SLC22A4: variants seen among roughly 807,000 people sequenced by gnomAD.
SLC22A4 encodes ET transporter.
A neutral mutation model predicts 56.6 loss-of-function variants in SLC22A4; 39 were observed. The observed-to-expected ratio is 0.69, with a 90% CI of 0.53 to 0.90. SLC22A4 has a LOEUF of 0.90. SLC22A4 is among the 40% of genes least tolerant of loss of function. The pLI, the probability that SLC22A4 is intolerant of heterozygous loss-of-function variation, is 0.00. For synonymous variants in SLC22A4, 241 were observed against 281.4 expected (o/e 0.86, Z 1.44); for missense variants, 594 against 696.5 (o/e 0.85, Z 1.66).
chr5:132,313,799 T>C, intron 3 of SLC22A4, 31 bp downstream of exon 3: 1 of 1,609,350 alleles, frequency 6.2e-7, no homozygotes, highest in Admixed American at 1.7e-5. Context: ...ATGGGGTGCT[T>C]CCCTCTAACC....
chr5:132,323,348 T>TAGGCCTC (rs1413559870), intron 4 of SLC22A4, among the ~76,000 whole-genome samples: 9 of 152,220 alleles, frequency 5.9e-5, no homozygotes, highest in Non-Finnish European at 1.2e-4. Context: ...GGCCTTTATC[T>TAGGCCTC]TACTGCAGCT....
At chr5:132,322,126 T>C (rs1173491656) in intron 3 of SLC22A4, 58 bp from the exon 4 acceptor site, 7 of 1,496,036 alleles carry the variant, frequency 4.7e-6, no homozygotes, top group African/African-American at 2.8e-5. Context: ...CATAATGATA[T>C]AAAAAGCAAA....
chr5:132,317,610 G>A (rs1171436745), intron 3 of SLC22A4, among the ~76,000 whole-genome samples: 1 of 152,212 alleles, frequency 6.6e-6, no homozygotes, highest in Non-Finnish European at 1.5e-5. Context: ...ATGAACATTG[G>A]AGAATAAGTA....
intron 1 of SLC22A4, 61 bp from the exon 2 acceptor site, chr5:132,312,100 G>C (rs1465334007): frequency 2.1e-6 from 2 of 968,552 alleles, no homozygotes; most frequent in Non-Finnish European, 3.4e-6. Flanking sequence ...CCTCAGAGCT[G>C]GGCTGGGGTT....
At chr5:132,315,930 A>T (rs1243193828) in intron 3 of SLC22A4, among the ~76,000 whole-genome samples, 1 of 152,170 alleles carries the variant, frequency 6.6e-6, no homozygotes, top group Admixed American at 6.5e-5. Context: ...GAATGGCTGG[A>T]CGCCCCAGTC....
intron 1 of SLC22A4, among the ~76,000 whole-genome samples, chr5:132,307,231 C>G (rs1750063613): frequency 6.6e-6 from 1 of 152,122 alleles, no homozygotes; most frequent in Admixed American, 6.5e-5. Flanking sequence ...AATCAAGTGA[C>G]AAAGATAGAA....
At chr5:132,303,919 C>T (rs1315178905) in intron 1 of SLC22A4, among the ~76,000 whole-genome samples, 5 of 152,218 alleles carry the variant, frequency 3.3e-5, no homozygotes, top group Non-Finnish European at 7.3e-5. Flanking sequence ...AGTTCTAAAG[C>T]TGTCCCCACA....
chr5:132,303,048 C>T (rs914713924), intron 1 of SLC22A4, among the ~76,000 whole-genome samples: 4 of 152,172 alleles, frequency 2.6e-5, no homozygotes, highest in Non-Finnish European at 5.9e-5. Context: ...AAAATATTGA[C>T]AAATCATATA....
rs536577411 is a variant in SLC22A4, at chr5:132,337,270, T to TAATTC, written c.1444+1270_1444+1271insAATTC. On this transcript the variant is annotated intron_variant, in intron 8 of 9. Coordinates refer to ENST00000200652, the MANE Select transcript of SLC22A4 (RefSeq NM_003059.3). ...AATCTCACCAACAATAAAGATTACC[T>TAATTC]TTTTTTTTTTTTTTTTTTTTTTCTG... Among the ~76,000 whole-genome samples the TAATTC allele has an allele frequency of 2.8e-3, 384 of 136,088 alleles. 83 individuals carry two copies. Among genetic ancestry groups the TAATTC allele is most frequent in the East Asian group, 5.8e-3 (27 of 4,678 alleles). The allele number at this position is 136,088 out of a possible 152,430, so 89.3% of individuals were successfully genotyped here.
intron 1 of SLC22A4, among the ~76,000 whole-genome samples, chr5:132,301,018 C>T (rs530556781): frequency 3.9e-5 from 6 of 152,330 alleles, no homozygotes; most frequent in Admixed American, 1.3e-4. Context: ...AGAGGCCCTG[C>T]GTGTGAGGAA....
At chr5:132,296,893 A>T (rs764262488) in intron 1 of SLC22A4, among the ~76,000 whole-genome samples, 2 of 152,196 alleles carry the variant, frequency 1.3e-5, no homozygotes, top group Non-Finnish European at 2.9e-5. Context: ...ATAGCTACTC[A>T]TGTTGTACGC....
At chr5:132,295,060 G>C in intron 1 of SLC22A4, 51 bp downstream of exon 1, 1 of 1,564,494 alleles carries the variant, frequency 6.4e-7, no homozygotes, top group South Asian at 1.2e-5. Flanking sequence ...CCCTCCCTCT[G>C]CGTCAGCCCC....
At chr5:132,342,325 G>GA (rs1475935803) in intron 9 of SLC22A4, among the ~76,000 whole-genome samples, 1 of 152,166 alleles carries the variant, frequency 6.6e-6, no homozygotes, top group Admixed American at 6.5e-5. Context: ...GTTTACAGAA[G>GA]AAGTCACTTC....
At chr5:132,319,321 A>G (rs944409807) in intron 3 of SLC22A4, among the ~76,000 whole-genome samples, 2 of 151,472 alleles carry the variant, frequency 1.3e-5, no homozygotes, top group Admixed American at 1.3e-4. Flanking sequence ...AAAAAAAAGA[A>G]AAAAAAGAAA....
In SLC22A4 at chr5:132,315,496, G is replaced by A. The variant is rs557330896; in HGVS notation, c.652+1728G>A. Among the ~76,000 whole-genome samples, 6 of 152,254 alleles carry A rather than the reference G, an allele frequency of 3.9e-5. No homozygotes were observed. The South Asian group carries it at 1.0e-3, about 26-fold the overall frequency. On this transcript the variant is annotated intron_variant, in intron 3 of 9. Transcript: ENST00000200652. Reference sequence around the variant, plus strand: ...GCCTCCAAGCCTCCCCTGTGTGAGCGGGTGAGGCAGGGAGAGCATACCCCA... The same window carrying A: ...GCCTCCAAGCCTCCCCTGTGTGAGCAGGTGAGGCAGGGAGAGCATACCCCA...
intron 1 of SLC22A4, among the ~76,000 whole-genome samples, chr5:132,296,259 C>T (rs1228520738): frequency 1.3e-5 from 2 of 152,156 alleles, no homozygotes; most frequent in South Asian, 2.1e-4. Context: ...TCTCATATAT[C>T]GGAGTGGCTG....
At position 132,322,230 on chromosome 5, in the gene SLC22A4, A is replaced by T. The variant is rs146705097; in HGVS notation, c.699A>T (p.Leu233Phe). The change falls in exon 4 of 10, where the codon TTA becomes TTT. Residue 233 changes from leucine to phenylalanine, a missense_variant. Transcript: ENST00000200652. ...GKSVRIIFST[L>F]GVCTFFAVGY... ...CAGTTCGTATTATATTCTCTACATT[A>T]GGAGTGTGCACATTTTTTGCAGTTG... 651 of 1,613,818 alleles carry T rather than the reference A, an allele frequency of 4.0e-4. No individual in the cohort carries two copies. The highest frequency in any genetic ancestry group is 5.3e-4 in the Non-Finnish European group (629 of 1,179,848).
intron 2 of SLC22A4, 29 bp from the exon 3 acceptor site, chr5:132,313,585 C>A: frequency 6.2e-7 from 1 of 1,612,426 alleles, no homozygotes; most frequent in Non-Finnish European, 8.5e-7. Flanking sequence ...CTACACATCT[C>A]ATGTTTTGTG....
intron 6 of SLC22A4, among the ~76,000 whole-genome samples, chr5:132,332,767 C>T (rs1027138578): frequency 9.4e-5 from 14 of 149,308 alleles, no homozygotes; most frequent in African/African-American, 3.0e-4. Flanking sequence ...CACACACACA[C>T]GATGATCGTC....
Sources: gnomAD v4.1 joint callset for allele counts (sites outside exome capture counted in the v4.1 genomes callset) on GRCh38, gnomAD v4.1.1 for gene constraint, MANE v1.5 for transcripts, NCBI Gene and HGNC (gene_info 2026-07-23, HGNC 2026-07-21) for gene names.